Variants in HOMER1 observed in about 807,000 individuals in gnomAD.
HOMER1 encodes the protein homer scaffold protein 1, also known as homer protein homolog 1.
Under a neutral mutation model 48.9 loss-of-function variants are expected in HOMER1, and 3 were observed. The observed-to-expected ratio is 0.06, with a 90% CI of 0.03 to 0.16. The LOEUF (loss-of-function observed/expected upper bound fraction) is 0.16, where lower values mean the gene tolerates loss of function less well. Ranked by LOEUF, HOMER1 falls within the 10% of genes least tolerant of loss-of-function variation. The probability of loss-of-function intolerance (pLI) is 1.00; values close to 1 mark genes in which losing one functional copy is unlikely to be tolerated. For synonymous variants in HOMER1, 134 were observed against 146.4 expected, an observed-to-expected ratio of 0.92 and a Z score of 0.61; for missense variants, 247 against 411.4, an observed-to-expected ratio of 0.60 and a Z score of 3.46.
At chr5:79,441,930 A>G (rs1750747049) in intron 4 of HOMER1, among the ~76,000 whole-genome samples, 1 of 151,790 alleles carries the variant, frequency 6.6e-6, no homozygotes, top group African/African-American at 2.4e-5. Flanking sequence ...AATTGTGTGT[A>G]ATTTCCTAAA....
intron 1 of HOMER1, among the ~76,000 whole-genome samples, chr5:79,487,958 T>C (rs1029533539): frequency 7.9e-5 from 12 of 152,204 alleles, no homozygotes; most frequent in East Asian, 3.8e-4. Context: ...ATGTTAATAA[T>C]TGTTGAAGCC....
intron 1 of HOMER1, among the ~76,000 whole-genome samples, chr5:79,463,422 C>T (rs1054571418): frequency 1.3e-5 from 2 of 152,122 alleles, no homozygotes; most frequent in African/African-American, 4.8e-5. Context: ...CTGTGAGGGG[C>T]GCATACCTGA....
intron 2 of HOMER1, among the ~76,000 whole-genome samples, chr5:79,451,556 CTTTTTTT>C (rs71615542): frequency 2.5e-4 from 16 of 64,640 alleles, no homozygotes; most frequent in Admixed American, 2.0e-3. Flanking sequence ...AAATATGACA[CTTTTTTT>C]TTTTTTTTTT....
At chr5:79,468,858 C>T (rs1383287878) in intron 1 of HOMER1, among the ~76,000 whole-genome samples, 3 of 152,144 alleles carry the variant, frequency 2.0e-5, no homozygotes, top group Admixed American at 1.3e-4. Flanking sequence ...CAATTTTGGA[C>T]ATGAAATGGT....
chr5:79,465,309 G>A (rs1751426733), intron 1 of HOMER1, among the ~76,000 whole-genome samples: 1 of 151,846 alleles, frequency 6.6e-6, no homozygotes, highest in South Asian at 2.1e-4. Flanking sequence ...TGCATTCCAG[G>A]ATGGGTGACA....
chr5:79,480,003 G>T (rs1330537093), intron 1 of HOMER1, among the ~76,000 whole-genome samples: 1 of 152,140 alleles, frequency 6.6e-6, no homozygotes, highest in Non-Finnish European at 1.5e-5. Context: ...ACTGTCATGG[G>T]ACAAGTTATA....
At chr5:79,451,742 AT>A (rs953503817) in intron 2 of HOMER1, among the ~76,000 whole-genome samples, 2 of 150,328 alleles carry the variant, frequency 1.3e-5, no homozygotes, top group Non-Finnish European at 3.0e-5. Flanking sequence ...ACTTTTTTGT[AT>A]TTTTTTTAGT....
At chr5:79,387,089 CTCT>C (rs907985484) in intron 8 of HOMER1, among the ~76,000 whole-genome samples, 11 of 140,598 alleles carry the variant, frequency 7.8e-5, no homozygotes, top group African/African-American at 2.3e-4. Flanking sequence ...CTCTCTCTCT[CTCT>C]CTCTCTCTTT....
At chr5:79,423,000 C>T (rs1750146100) in intron 5 of HOMER1, among the ~76,000 whole-genome samples, 1 of 152,056 alleles carries the variant, frequency 6.6e-6, no homozygotes, top group Admixed American at 6.6e-5. Context: ...TTGGGTATAA[C>T]ACTTTAAGTT....
chr5:79,490,954 T>C (rs1268982773), intron 1 of HOMER1, among the ~76,000 whole-genome samples: 1 of 146,850 alleles, frequency 6.8e-6, no homozygotes, highest in Non-Finnish European at 1.5e-5. Context: ...AATAGATAAA[T>C]AGATAAGTTT....
intron 1 of HOMER1, among the ~76,000 whole-genome samples, chr5:79,473,928 C>A (rs1006417451): frequency 1.2e-4 from 18 of 152,128 alleles, no homozygotes; most frequent in African/African-American, 3.9e-4. Context: ...TATCCTACCA[C>A]CAGTATATCC....
chr5:79,512,993 G>C lies in HOMER1; in HGVS notation c.-219C>G. ...AAACGTTCAAACAGAGGCGGCATTT[G>C]CTTATTCGAGTTAAAATGCTTTGCG... On this transcript the variant is annotated 5_prime_UTR_variant, in exon 1 of 9. Coordinates refer to ENST00000334082, the MANE Select transcript of HOMER1 (RefSeq NM_004272.5). 1 of 583,032 alleles carries C rather than the reference G, an allele frequency of 1.7e-6. No individual in the cohort carries two copies. Among genetic ancestry groups the C allele is most frequent in the African/African-American group, 1.9e-5 (1 of 52,942 alleles). The allele number at this position is 583,032 out of a possible 1,614,324, so 36.1% of individuals were successfully genotyped here.
chr5:79,376,854 G>T (rs1484658194), intron 8 of HOMER1, among the ~76,000 whole-genome samples: 2 of 152,026 alleles, frequency 1.3e-5, no homozygotes, highest in Non-Finnish European at 2.9e-5. Flanking sequence ...ATGACAAAAG[G>T]AAATCAAATG....
chr5:79,450,885 TAA>T, intron 3 of HOMER1, 103 bp downstream of exon 3: 3 of 1,103,806 alleles, frequency 2.7e-6, no homozygotes. Flanking sequence ...TCGAGAATAT[TAA>T]ATAAATTTCT....
At chr5:79,447,973 T>C (rs947223863) in intron 3 of HOMER1, among the ~76,000 whole-genome samples, 1 of 152,198 alleles carries the variant, frequency 6.6e-6, no homozygotes, top group Admixed American at 6.5e-5. Flanking sequence ...CATGAAATTA[T>C]AGTTCCTTTC....
At chr5:79,455,006 C>G (rs984673098) in intron 2 of HOMER1, among the ~76,000 whole-genome samples, 1 of 152,052 alleles carries the variant, frequency 6.6e-6, no homozygotes, top group Admixed American at 6.6e-5. Flanking sequence ...GGGTCTCGCT[C>G]TGGATATAAT....
At chr5:79,486,698 T>C (rs1157239514) in intron 1 of HOMER1, among the ~76,000 whole-genome samples, 2 of 152,188 alleles carry the variant, frequency 1.3e-5, no homozygotes, top group Non-Finnish European at 2.9e-5. Context: ...TTAACAATAA[T>C]GCCACATTGC....
At chr5:79,490,186 T>C (rs2112356015) in intron 1 of HOMER1, among the ~76,000 whole-genome samples, 1 of 152,382 alleles carries the variant, frequency 6.6e-6, no homozygotes, top group South Asian at 2.1e-4. Context: ...TAAATGAATT[T>C]ATAGACAAGG....
intron 1 of HOMER1, among the ~76,000 whole-genome samples, chr5:79,501,555 AC>A (rs1752593487): frequency 6.6e-6 from 1 of 152,218 alleles, no homozygotes; most frequent in African/African-American, 2.4e-5. Context: ...TTTTTTCAGT[AC>A]CATCTGTAAG....
Sources: allele counts gnomAD v4.1 joint callset (sites outside exome capture counted in the v4.1 genomes callset), GRCh38; gene constraint gnomAD v4.1.1; transcripts MANE v1.5; gene names NCBI Gene and HGNC (gene_info 2026-07-23, HGNC 2026-07-21).